Variants in CFAP43 observed in about 807,000 individuals in gnomAD.
CFAP43 encodes the protein cilia and flagella associated protein 43.
CFAP43 carries 155 observed loss-of-function variants against 218.9 expected under a neutral mutation model. The observed-to-expected ratio is 0.71, with a 90% confidence interval of 0.62 to 0.81. The LOEUF (loss-of-function observed/expected upper bound fraction) is 0.81, where lower values mean the gene tolerates loss of function less well. Among genes scored for constraint, CFAP43 ranks in the 30% least tolerant of loss-of-function variants. The pLI, the probability that CFAP43 is intolerant of heterozygous loss-of-function variation, is 0.00. For missense variants in CFAP43, 1,778 were observed against 1,954.3 expected (o/e 0.91, Z 1.70); for synonymous variants, 645 against 681.3 (o/e 0.95, Z 0.83).
chr10:104,143,344 T>G (rs1418664312), intron 32 of CFAP43, 82 bp downstream of exon 32: 1 of 1,234,400 alleles, frequency 8.1e-7, no homozygotes, highest in Admixed American at 2.5e-5. Flanking sequence ...AATAATTAGC[T>G]TTTTTGGTTA....
At chr10:104,130,894 G>T (rs1415198452) in intron 37 of CFAP43, among the ~76,000 whole-genome samples, 1 of 151,620 alleles carries the variant, frequency 6.6e-6, no homozygotes, top group Non-Finnish European at 1.5e-5. Flanking sequence ...GGCACTTGAG[G>T]GGGCTGAGGT....
chr10:104,209,802 G>A (rs2090798691), intron 5 of CFAP43, among the ~76,000 whole-genome samples: 1 of 152,110 alleles, frequency 6.6e-6, no homozygotes, highest in South Asian at 2.1e-4. Flanking sequence ...GTGGCTGAAT[G>A]CAGTTATATC....
intron 35 of CFAP43, chr10:104,132,593 A>G (rs1443719916): frequency 1.0e-6 from 1 of 972,896 alleles, no homozygotes. Context: ...CCACCTGGGC[A>G]AAAAGAGCAA....
At chr10:104,217,638 C>T (rs970779138) in intron 3 of CFAP43, among the ~76,000 whole-genome samples, 10 of 152,290 alleles carry the variant, frequency 6.6e-5, no homozygotes, top group East Asian at 3.9e-4. Flanking sequence ...TTTGTAGCTT[C>T]GATCCCGGTA....
intron 28 of CFAP43, among the ~76,000 whole-genome samples, chr10:104,151,359 C>A (rs2088247173): frequency 6.6e-6 from 1 of 152,190 alleles, no homozygotes; most frequent in African/African-American, 2.4e-5. Context: ...ATATTCCCAC[C>A]AACAGTGTAT....
At chr10:104,184,376 T>C (rs1235042416) in intron 16 of CFAP43, among the ~76,000 whole-genome samples, 1 of 152,180 alleles carries the variant, frequency 6.6e-6, no homozygotes, top group Non-Finnish European at 1.5e-5. Context: ...CAGGAGTTTT[T>C]AAAGTTATCT....
chr10:104,188,699 C>G (rs555598346), intron 12 of CFAP43, among the ~76,000 whole-genome samples: 21 of 152,274 alleles, frequency 1.4e-4, no homozygotes, highest in African/African-American at 4.3e-4. Flanking sequence ...ATCTCCACCC[C>G]CTATCCCTCC....
intron 3 of CFAP43, among the ~76,000 whole-genome samples, chr10:104,214,836 A>C (rs978955364): frequency 6.6e-6 from 1 of 152,170 alleles, no homozygotes; most frequent in Non-Finnish European, 1.5e-5. Context: ...TCATTTATTG[A>C]GTTTTTAAAA....
At chr10:104,188,136 A>G in intron 13 of CFAP43, 134 bp downstream of exon 13, 1 of 1,148,398 alleles carries the variant, frequency 8.7e-7, no homozygotes, top group South Asian at 1.7e-5. Flanking sequence ...TGTTGGTTTT[A>G]CTTTGTAAAG....
intron 5 of CFAP43, 144 bp downstream of exon 5, chr10:104,211,863 A>T: frequency 1.1e-6 from 1 of 894,470 alleles, no homozygotes; most frequent in Non-Finnish European, 1.6e-6. Flanking sequence ...CATCTCTCAC[A>T]GTCTCTGTGG....
At chr10:104,138,741 C>A (rs554474717) in intron 34 of CFAP43, among the ~76,000 whole-genome samples, 18 of 150,292 alleles carry the variant, frequency 1.2e-4, no homozygotes, top group African/African-American at 4.4e-4. Flanking sequence ...GATCCTGGAA[C>A]AGAAAAATGA....
intron 8 of CFAP43, among the ~76,000 whole-genome samples, chr10:104,201,375 A>G (rs2090528047): frequency 6.6e-6 from 1 of 151,728 alleles, no homozygotes; most frequent in Non-Finnish European, 1.5e-5. Context: ...GTTTATCTCA[A>G]TTGTTTTGCA....
At chr10:104,221,721 C>T (rs1030346452) in intron 3 of CFAP43, among the ~76,000 whole-genome samples, 2 of 152,172 alleles carry the variant, frequency 1.3e-5, no homozygotes, top group African/African-American at 4.8e-5. Context: ...AACCATCTTA[C>T]ATCTTATAAT....
At chr10:104,180,011 T>C in intron 17 of CFAP43, 79 bp from the exon 18 acceptor site, 1 of 1,062,106 alleles carries the variant, frequency 9.4e-7, no homozygotes, top group Non-Finnish European at 1.4e-6. Context: ...CTACCACATG[T>C]AACTGCTTTG....
At chr10:104,224,977 A>G (rs2091273473) in intron 3 of CFAP43, among the ~76,000 whole-genome samples, 1 of 152,144 alleles carries the variant, frequency 6.6e-6, no homozygotes, top group African/African-American at 2.4e-5. Context: ...GATCCAGGAA[A>G]GACTAGAAAT....
At chr10:104,173,428 T>C (rs1010122714) in intron 19 of CFAP43, among the ~76,000 whole-genome samples, 1 of 152,156 alleles carries the variant, frequency 6.6e-6, no homozygotes, top group Non-Finnish European at 1.5e-5. Flanking sequence ...CTACACCAGA[T>C]ACAGGAACAA....
At chr10:104,199,715 G>A (rs954189533) in intron 8 of CFAP43, among the ~76,000 whole-genome samples, 2 of 152,200 alleles carry the variant, frequency 1.3e-5, no homozygotes, top group African/African-American at 4.8e-5. Context: ...GGTGTGGCAG[G>A]CCAGGTCTCA....
rs191445265 is a variant in CFAP43, at chr10:104,140,122, G to T, written c.4431+720C>A. On this transcript the variant is annotated intron_variant, in intron 34 of 37. Coordinates refer to ENST00000357060, the MANE Select transcript of CFAP43 (RefSeq NM_025145.7). The stretch of plus-strand genomic sequence containing the variant: ...ATACAGATAAAATAAAGCTTATAGG[G>T]AATATTTTTTTAGGACTCAATTATA... 2.6e-3 allele frequency among the ~76,000 whole-genome samples: 398 copies of T among 151,016 alleles called. 1 individual carries two copies. Among genetic ancestry groups the T allele is most frequent in the Middle Eastern group, 0.014 (4 of 294 alleles).
chr10:104,223,587 T>C (rs1181123110), intron 3 of CFAP43, among the ~76,000 whole-genome samples: 1 of 152,236 alleles, frequency 6.6e-6, no homozygotes, highest in Non-Finnish European at 1.5e-5. Flanking sequence ...TTTTTTAATA[T>C]TTACAGATTG....
Sources: allele counts gnomAD v4.1 joint callset (sites outside exome capture counted in the v4.1 genomes callset), GRCh38; gene constraint gnomAD v4.1.1; transcripts MANE v1.5; gene names NCBI Gene and HGNC (gene_info 2026-07-23, HGNC 2026-07-21).